The following TYW1B variants were observed in gnomAD, a reference collection of about 807,000 sequenced individuals.
The protein encoded by TYW1B is tRNA-yW synthesizing protein 1 homolog B.
A neutral mutation model predicts 86.9 loss-of-function variants in TYW1B; 73 were observed. The ratio of observed to expected loss-of-function variants is 0.84; its 90% CI spans 0.70 to 1.02. The LOEUF (loss-of-function observed/expected upper bound fraction) is 1.02, where lower values mean the gene tolerates loss of function less well. TYW1B is among the 50% of genes least tolerant of loss of function. TYW1B has a pLI of 0.00. For synonymous variants in TYW1B, 248 were observed against 292.8 expected (o/e 0.85, Z 1.56); for missense variants, 637 against 827.4 (o/e 0.77, Z 2.82).
chr7:72,602,941 T>C (rs562553702), intron 13 of TYW1B, among the ~76,000 whole-genome samples: 61 of 151,534 alleles, frequency 4.0e-4, no homozygotes, highest in Admixed American at 2.7e-3. Flanking sequence ...GAGATCCGAA[T>C]GGCCAAAGCT....
At position 72,720,022 on chromosome 7, in the gene TYW1B, CTATAA is replaced by C. The variant is rs370309308; in HGVS notation, c.1193-6229_1193-6225del. ...GGAGAGAGGATAATCTGCCGACAGA[CTATAA>C]TATAATACAAAAAGGAAATGGTGGC... On this transcript the variant is annotated intron_variant, in intron 9 of 13. Transcript: ENST00000620995. Among the ~76,000 whole-genome samples, 1,018 of 151,962 alleles carry C rather than the reference CTATAA, an allele frequency of 6.7e-3. 13 individuals carry two copies. The highest frequency in any genetic ancestry group is 0.021 in the African/African-American group (874 of 41,430).
chr7:72,825,870 A>G (rs1554481339), intron 2 of TYW1B, among the ~76,000 whole-genome samples: 1 of 152,154 alleles, frequency 6.6e-6, no homozygotes, highest in African/African-American at 2.4e-5. Flanking sequence ...GACAGTGACC[A>G]TCAGACACCA....
rs189990318 is a variant in TYW1B, at chr7:72,640,040, A to C, written c.1507-11043T>G. Among the ~76,000 whole-genome samples, 674 of 152,286 alleles carry C rather than the reference A, an allele frequency of 4.4e-3. 6 individuals carry two copies. Among genetic ancestry groups the C allele is most frequent in the African/African-American group, 0.014 (585 of 41,560 alleles). On this transcript the variant is annotated intron_variant, in intron 11 of 13. Coordinates refer to ENST00000620995, the MANE Select transcript of TYW1B (RefSeq NM_001145440.3). ...AATTTACATTGACTTTAATAAGTCA[A>C]GCATGCCTGCGTCAATCACGAGGGC... is the stretch of plus-strand genomic sequence containing the variant.
chr7:72,701,284 G>A (rs1453091640), intron 10 of TYW1B, among the ~76,000 whole-genome samples: 8 of 151,446 alleles, frequency 5.3e-5, no homozygotes, highest in African/African-American at 1.5e-4. Context: ...TATTTTTTGC[G>A]ACAAGGTCTC....
chr7:72,807,087 T>C lies in TYW1B; in HGVS notation c.702A>G (p.Glu234=). Reference sequence around the variant, plus strand: ...ATACCTTGGTGTCTCTGTGATGCAATTCGTCCTGCTCTTGAGATCCTTCCT... The same window carrying C: ...ATACCTTGGTGTCTCTGTGATGCAACTCGTCCTGCTCTTGAGATCCTTCCT... The part of the protein sequence containing the change: ...EREEGSQEQD[E]LHHRDTKEEE... The change falls in exon 5 of 14, where the codon GAA becomes GAG. Residue 234 remains glutamate (E), a synonymous_variant. Transcript: ENST00000620995. The C allele has an allele frequency of 6.2e-7, 1 of 1,614,044 alleles. No individual in the cohort carries two copies. Among genetic ancestry groups the C allele is most frequent in the Non-Finnish European group, 8.5e-7 (1 of 1,179,968 alleles).
At chr7:72,819,999 G>A (rs536113753) in intron 2 of TYW1B, among the ~76,000 whole-genome samples, 2 of 152,134 alleles carry the variant, frequency 1.3e-5, no homozygotes, top group Non-Finnish European at 2.9e-5. Context: ...TTCAAGCAGG[G>A]CATGGTGGCT....
intron 8 of TYW1B, among the ~76,000 whole-genome samples, chr7:72,735,727 G>A (rs1338969245): frequency 5.3e-5 from 8 of 151,704 alleles, no homozygotes; most frequent in Non-Finnish European, 1.0e-4. Context: ...AAAATTATCC[G>A]GGCTTGGTGG....
chr7:72,644,801 A>G (rs1207381104), intron 11 of TYW1B, among the ~76,000 whole-genome samples: 1 of 151,440 alleles, frequency 6.6e-6, no homozygotes, highest in Admixed American at 6.6e-5. Context: ...AGAAAATTAC[A>G]TAAGAAACTC....
chr7:72,809,093 A>G (rs1436306310), intron 4 of TYW1B, among the ~76,000 whole-genome samples: 1 of 143,610 alleles, frequency 7.0e-6, no homozygotes, highest in Admixed American at 7.2e-5. Flanking sequence ...CCCAGGCTAG[A>G]GTGCAGTGGT....
Position 72,600,649 on chromosome 7 carries a change from G to A in TYW1B, c.1785+16023C>T, listed in dbSNP as rs9801088. Among the ~76,000 whole-genome samples the A allele has an allele frequency of 3.9e-5, 6 of 152,092 alleles. No individual in the cohort carries two copies. The East Asian group carries it at 5.8e-4, about 15-fold the overall frequency. The stretch of plus-strand genomic sequence containing the variant: ...AAATATATAAAGAACTCTTAAACTC[G>A]GCCATAAGAAAATAACCAACTACCA... On this transcript the variant is annotated intron_variant, in intron 13 of 13. Transcript: ENST00000620995.
intron 6 of TYW1B, among the ~76,000 whole-genome samples, chr7:72,789,490 C>T (rs1454273130): frequency 1.3e-5 from 2 of 152,020 alleles, no homozygotes; most frequent in East Asian, 3.9e-4. Flanking sequence ...TATTTTGAAG[C>T]ATTTTGGATT....
At chr7:72,677,373 C>A (rs1813759624) in intron 11 of TYW1B, among the ~76,000 whole-genome samples, 1 of 151,834 alleles carries the variant, frequency 6.6e-6, no homozygotes, top group Admixed American at 6.6e-5. Context: ...GTCTCAAACT[C>A]CTGGGCTGAA....
chr7:72,707,504 T>A (rs1814642519), intron 10 of TYW1B, among the ~76,000 whole-genome samples: 1 of 152,238 alleles, frequency 6.6e-6, no homozygotes. Flanking sequence ...TACCTTCCTA[T>A]CAAGAAATGG....
At chr7:72,655,876 A>G (rs1192634064) in intron 11 of TYW1B, among the ~76,000 whole-genome samples, 1 of 152,104 alleles carries the variant, frequency 6.6e-6, no homozygotes, top group Non-Finnish European at 1.5e-5. Flanking sequence ...CACCAACTGC[A>G]TGTCTCCCAG....
chr7:72,673,665 G>C (rs574934371), intron 11 of TYW1B, among the ~76,000 whole-genome samples: 108 of 152,264 alleles, frequency 7.1e-4, no homozygotes, highest in African/African-American at 2.6e-3. Flanking sequence ...TAGAAAAAAT[G>C]AATAAGACCT....
At chr7:72,730,955 G>A (rs1227315512) in intron 8 of TYW1B, among the ~76,000 whole-genome samples, 2 of 142,380 alleles carry the variant, frequency 1.4e-5, no homozygotes, top group Non-Finnish European at 3.0e-5. Context: ...AAGCCTCCTT[G>A]AGACACATTA....
At chr7:72,799,771 C>CA (rs1788373574) in intron 6 of TYW1B, among the ~76,000 whole-genome samples, 1 of 151,988 alleles carries the variant, frequency 6.6e-6, no homozygotes, top group Middle Eastern at 3.2e-3. Context: ...GCAGGTCTGC[C>CA]TTTTTTTTAA....
chr7:72,584,675 C>T (rs1359093160), intron 13 of TYW1B, among the ~76,000 whole-genome samples: 7 of 152,058 alleles, frequency 4.6e-5, no homozygotes, highest in Non-Finnish European at 7.4e-5. Flanking sequence ...TGGCTGGTCT[C>T]GAACTCCTGA....
chr7:72,782,579 T>C (rs1303759130), intron 6 of TYW1B, among the ~76,000 whole-genome samples: 4 of 152,124 alleles, frequency 2.6e-5, no homozygotes, highest in African/African-American at 9.7e-5. Flanking sequence ...TCAATTCCTA[T>C]AGAAAAGGTT....
Sources: gnomAD v4.1 joint callset for allele counts (sites outside exome capture counted in the v4.1 genomes callset) on GRCh38, gnomAD v4.1.1 for gene constraint, MANE v1.5 for transcripts, NCBI Gene and HGNC (gene_info 2026-07-23, HGNC 2026-07-21) for gene names.